Variants in FBXL22 observed in about 807,000 individuals in gnomAD.
FBXL22 encodes F-box and leucine-rich protein 22.
In FBXL22, 13 loss-of-function variants were observed where a neutral mutation model predicts 11.7. The ratio of observed to expected loss-of-function variants is 1.11; its 90% CI spans 0.73 to 1.77. The LOEUF (loss-of-function observed/expected upper bound fraction) is 1.77, where lower values mean the gene tolerates loss of function less well. Among genes scored for constraint, FBXL22 ranks in the 40% most tolerant of loss-of-function variants. The pLI is 0.00. For synonymous variants in FBXL22, 160 were observed against 144.1 expected (o/e 1.11, Z -0.79); for missense variants, 406 against 320.4 (o/e 1.27, Z -2.04).
chr15:63,607,885 C>T, the FBXL22 span, among the ~76,000 whole-genome samples: 1 of 152,172 alleles, frequency 6.6e-6, no homozygotes, highest in Non-Finnish European at 1.5e-5. Flanking sequence ...CAAGATGGCC[C>T]TTTCCCCCAG....
chr15:63,601,046 C>T lies in FBXL22; in HGVS notation c.*7C>T, dbSNP rs947958803. On this transcript the variant is annotated 3_prime_UTR_variant, in exon 2 of 2. Transcript: ENST00000638704. Reference sequence around the variant, plus strand: ...CAAGCTGCTGCAGCGCTAGACGCCGCCCCGCCGCTGCCCCCGGGGAAGGAG... The same window carrying T: ...CAAGCTGCTGCAGCGCTAGACGCCGTCCCGCCGCTGCCCCCGGGGAAGGAG... The T allele has an allele frequency of 2.2e-5, 27 of 1,226,986 alleles. No homozygotes were observed. The highest frequency in any genetic ancestry group is 3.1e-4 in the Middle Eastern group (1 of 3,208). The allele number at this position is 1,226,986 out of a possible 1,614,324, so 76.0% of individuals were successfully genotyped here. A position where few individuals can be genotyped will look rare whatever the true frequency, so the allele number is the denominator to read the frequency against.
At chr15:63,599,204 T>A in intron 1 of FBXL22, 1 of 1,536,048 alleles carries the variant, frequency 6.5e-7, no homozygotes. Flanking sequence ...TAGGTACTGA[T>A]GAACGTCTAC....
chr15:63,600,439 G>A, intron 1 of FBXL22: 1 of 1,205,462 alleles, frequency 8.3e-7, no homozygotes, highest in Non-Finnish European at 1.0e-6. Context: ...CGGGGTCGGG[G>A]CTTCCCACTA....
intron 1 of FBXL22, chr15:63,599,310 C>A: frequency 6.8e-7 from 1 of 1,468,536 alleles, no homozygotes; most frequent in South Asian, 1.4e-5. Context: ...TTCCCTGTAT[C>A]AGAATTATTC....
intron 1 of FBXL22, chr15:63,599,935 A>G: frequency 1.0e-6 from 1 of 985,614 alleles, no homozygotes; most frequent in African/African-American, 1.7e-5. Flanking sequence ...TCCGTGAGTG[A>G]CTGACACGGC....
downstream of FBXL22, among the ~76,000 whole-genome samples, chr15:63,605,020 C>G (rs532228529): frequency 7.2e-5 from 11 of 152,066 alleles, no homozygotes; most frequent in South Asian, 2.3e-3. Context: ...CCACTGCACT[C>G]ACTGCACAGC....
At chr15:63,600,502 G>T (rs1441506232) in intron 1 of FBXL22, 195 bp from the exon 2 acceptor site, 4 of 1,227,102 alleles carry the variant, frequency 3.3e-6, no homozygotes, top group Non-Finnish European at 4.1e-6. Flanking sequence ...GTACGGTGGG[G>T]TGCAGGGGCA....
chr15:63,601,134 T>G lies in FBXL22; in HGVS notation c.*95T>G. ...TCCACCTTCAGACCACCACCGCATATTCTGAGCCTCATTTTCCCCGTCTGC... is the reference window on the plus strand; with the variant it reads ...TCCACCTTCAGACCACCACCGCATAGTCTGAGCCTCATTTTCCCCGTCTGC... On this transcript the variant is annotated 3_prime_UTR_variant, in exon 2 of 2. Coordinates refer to ENST00000638704, the MANE Select transcript of FBXL22 (RefSeq NM_001367807.1). 7.3e-7 allele frequency: 1 copy of G among 1,363,186 alleles called. No individual in the cohort carries two copies. Among genetic ancestry groups the G allele is most frequent in the East Asian group, 3.0e-5 (1 of 33,202 alleles). 84.4% of individuals were successfully genotyped at this position (1,363,186 alleles called of 1,614,324 possible).
At position 63,597,500 on chromosome 15, in the gene FBXL22, C is replaced by T. The variant is rs147980580; in HGVS notation, c.108C>T (p.Cys36=). 7.9e-5 allele frequency: 127 copies of T among 1,614,156 alleles called. No homozygotes were observed. The highest frequency in any genetic ancestry group is 6.6e-4 in the Middle Eastern group (4 of 6,062). The change falls in exon 1 of 2, where the codon TGC becomes TGT. Residue 36 remains cysteine (C), a synonymous_variant. Coordinates refer to ENST00000638704, the MANE Select transcript of FBXL22 (RefSeq NM_001367807.1). The surrounding 1 kb of genome is among the most constrained non-coding windows in gnomAD (Gnocchi z 4.3). ...KDSRKSLART[C]SQLHDVFEDP... The stretch of plus-strand genomic sequence containing the variant: ...GCAGGAAGAGCCTTGCCAGGACCTG[C>T]TCCCAGCTCCACGACGTGTTTGAGG...
At chr15:63,601,871 T>TC, downstream of FBXL22, 1 of 809,116 alleles carries the variant, frequency 1.2e-6, no homozygotes, top group Non-Finnish European at 1.8e-6. Context: ...GGAACCATTA[T>TC]AAGCTGACAA....
In FBXL22 at chr15:63,600,759, C is replaced by G. The variant is rs897972684; in HGVS notation, c.416C>G (p.Ala139Gly). The change falls in exon 2 of 2, where the codon GCG becomes GGG. Residue 139 changes from alanine to glycine, a missense_variant. Physicochemically the swap from Ala to Gly is moderately conservative, Grantham distance 60. Coordinates refer to ENST00000638704, the MANE Select transcript of FBXL22 (RefSeq NM_001367807.1). ...GGCCACGTTACCGACGACTGCCTGG[C>G]GCGCCTGCTGCGCTGCTGCCCACGC... ...GCGHVTDDCL[A>G]RLLRCCPRLR... 1 of 1,231,482 alleles carries G rather than the reference C, an allele frequency of 8.1e-7. No homozygotes were observed. Among genetic ancestry groups the G allele is most frequent in the Non-Finnish European group, 1.0e-6 (1 of 987,748 alleles). 76.3% of individuals were successfully genotyped at this position (1,231,482 alleles called of 1,614,324 possible). A position where few individuals can be genotyped will look rare whatever the true frequency, so the allele number is the denominator to read the frequency against.
chr15:63,607,957 A>G, the FBXL22 span, among the ~76,000 whole-genome samples: 12 of 152,344 alleles, frequency 7.9e-5, no homozygotes, highest in East Asian at 1.9e-3. Flanking sequence ...CGCAGGGGCT[A>G]GCTGAGTTTG....
In FBXL22 at chr15:63,600,804, A is replaced by G. The variant is rs2067357163; in HGVS notation, c.461A>G (p.Glu154Gly). The change falls in exon 2 of 2, where the codon GAG (glutamate) becomes GGG (glycine). Residue 154 changes from glutamate (E) to glycine (G), a missense_variant. Coordinates refer to ENST00000638704, the MANE Select transcript of FBXL22 (RefSeq NM_001367807.1). Reference protein sequence around the residue: ...CCPRLRALRLENCARVTNRTL... With the variant: ...CCPRLRALRLGNCARVTNRTL... ...CCACGCCTGCGCGCACTGCGCCTGG[A>G]GAACTGCGCGCGCGTCACCAACCGC... 8.1e-7 allele frequency: 1 copy of G among 1,230,992 alleles called. No individual in the cohort carries two copies. The allele number at this position is 1,230,992 out of a possible 1,614,324, so 76.3% of individuals were successfully genotyped here.
In FBXL22 at chr15:63,600,348, GAGCGA is replaced by G. The variant is rs1379186413; in HGVS notation, c.354-347_354-343del. On this transcript the variant is annotated intron_variant, in intron 1 of 1. Transcript: ENST00000638704. Reference sequence around the variant, plus strand: ...GCTCCCCTGCAAGGCAGCACATCCAGAGCGAAACAAAGAGTCAAGGGTTGTGGCTC... The same window carrying G: ...GCTCCCCTGCAAGGCAGCACATCCAGAACAAAGAGTCAAGGGTTGTGGCTC... The G allele has an allele frequency of 2.0e-5, 21 of 1,068,950 alleles. No homozygotes were observed. The African/African-American group carries it at 3.5e-4, about 18-fold the overall frequency. The allele number at this position is 1,068,950 out of a possible 1,614,324, so 66.2% of individuals were successfully genotyped here. A position where few individuals can be genotyped will look rare whatever the true frequency, so the allele number is the denominator to read the frequency against.
At chr15:63,598,053 CA>C (rs2067301629) in intron 1 of FBXL22, among the ~76,000 whole-genome samples, 1 of 152,128 alleles carries the variant, frequency 6.6e-6, no homozygotes, top group South Asian at 2.1e-4. Context: ...CCTGGATTTT[CA>C]AGGTCAGGCT....
At position 63,598,146 on chromosome 15, in the gene FBXL22, C is replaced by T. The variant is rs533610796; in HGVS notation, c.353+401C>T. On this transcript the variant is annotated intron_variant, in intron 1 of 1. Transcript: ENST00000638704. ...GCAGCCCTCAAGGCCTGGGAAACTA[C>T]GGAGGAAAGAGAGGGTGGGGAGCCA... Among the ~76,000 whole-genome samples the T allele has an allele frequency of 1.4e-4, 21 of 152,154 alleles. No individual in the cohort carries two copies. The South Asian group carries it at 2.9e-3, about 21-fold the overall frequency.
chr15:63,600,262 G>T (rs1052331274), intron 1 of FBXL22: 2 of 994,158 alleles, frequency 2.0e-6, no homozygotes, highest in African/African-American at 1.7e-5. Flanking sequence ...TCCCACTCAC[G>T]TCCCGCCGGG....
the FBXL22 span, among the ~76,000 whole-genome samples, chr15:63,608,280 C>T: frequency 6.6e-6 from 1 of 152,130 alleles, no homozygotes; most frequent in Non-Finnish European, 1.5e-5. Flanking sequence ...CTGGTAGAGT[C>T]GCCCTCCACA....
Position 63,599,673 on chromosome 15 carries a change from C to T in FBXL22, c.354-1024C>T, listed in dbSNP as rs2067333164. Reference sequence around the variant, plus strand: ...CACAAAGGAGCCGAGCTGGCACAGCCAGGGGCAGTCACGGAGCTGCGGGGG... The same window carrying T: ...CACAAAGGAGCCGAGCTGGCACAGCTAGGGGCAGTCACGGAGCTGCGGGGG... On this transcript the variant is annotated intron_variant, in intron 1 of 1. Coordinates refer to ENST00000638704, the MANE Select transcript of FBXL22 (RefSeq NM_001367807.1). 3.0e-6 allele frequency: 3 copies of T among 987,472 alleles called. No homozygotes were observed. In the South Asian group the frequency reaches 1.4e-4, roughly 46 times the overall value. 61.2% of individuals were successfully genotyped at this position (987,472 alleles called of 1,614,324 possible). A position where few individuals can be genotyped will look rare whatever the true frequency, so the allele number is the denominator to read the frequency against.
Sources: allele counts gnomAD v4.1 joint callset (sites outside exome capture counted in the v4.1 genomes callset), GRCh38; gene constraint gnomAD v4.1.1; non-coding constraint Gnocchi (gnomAD v3.1); transcripts MANE v1.5; gene names NCBI Gene and HGNC (gene_info 2026-07-23, HGNC 2026-07-21).